LRFN5: variants seen among roughly 807,000 people sequenced by gnomAD.
LRFN5 encodes the protein leucine rich repeat and fibronectin type III domain containing 5, also known as leucine-rich repeat and fibronectin type-III domain-containing protein 5.
In LRFN5, 24 loss-of-function variants were observed where a neutral mutation model predicts 45.6. The ratio of observed to expected loss-of-function variants is 0.53; its 90% CI spans 0.38 to 0.74. The LOEUF (loss-of-function observed/expected upper bound fraction) is 0.74, where lower values mean the gene tolerates loss of function less well. LRFN5 is among the 30% of genes least tolerant of loss of function. The pLI, the probability that LRFN5 is intolerant of heterozygous loss-of-function variation, is 0.00. For synonymous variants in LRFN5, 340 were observed against 313.8 expected, an observed-to-expected ratio of 1.08 and a Z score of -0.88; for missense variants, 776 against 861.5, an observed-to-expected ratio of 0.90 and a Z score of 1.24.
chr14:41,855,099 T>C (rs1251654608), intron 2 of LRFN5, among the ~76,000 whole-genome samples: 1 of 152,160 alleles, frequency 6.6e-6, no homozygotes, highest in Admixed American at 6.5e-5. Flanking sequence ...ACTTGTAGAA[T>C]GAGTGGGATT....
intron 1 of LRFN5, among the ~76,000 whole-genome samples, chr14:41,655,082 A>G (rs1880314118): frequency 6.6e-6 from 1 of 152,036 alleles, no homozygotes; most frequent in African/African-American, 2.4e-5. Context: ...CGTTTGTTCA[A>G]CATGTTTATG....
intron 2 of LRFN5, among the ~76,000 whole-genome samples, chr14:41,867,097 A>T (rs1444173962): frequency 6.6e-6 from 1 of 152,138 alleles, no homozygotes; most frequent in Non-Finnish European, 1.5e-5. Context: ...CTTTAAGACC[A>T]GCCTCCTTAA....
At chr14:41,634,947 T>C (rs888333445) in intron 1 of LRFN5, among the ~76,000 whole-genome samples, 1 of 152,096 alleles carries the variant, frequency 6.6e-6, no homozygotes, top group Non-Finnish European at 1.5e-5. Flanking sequence ...AATTATGTAA[T>C]GAAACATAAT....
intron 2 of LRFN5, among the ~76,000 whole-genome samples, chr14:41,821,900 T>G (rs930636958): frequency 2.0e-5 from 3 of 152,068 alleles, no homozygotes; most frequent in Non-Finnish European, 2.9e-5. Flanking sequence ...AGGTTGGATG[T>G]TTCCAGGAAT....
chr14:41,717,887 A>G (rs557388820), intron 1 of LRFN5, among the ~76,000 whole-genome samples: 2 of 152,308 alleles, frequency 1.3e-5, no homozygotes, highest in African/African-American at 2.4e-5. Flanking sequence ...AAAAGTTACT[A>G]GACAGGTTTT....
At chr14:41,654,897 A>G (rs1880305278) in intron 1 of LRFN5, among the ~76,000 whole-genome samples, 1 of 152,088 alleles carries the variant, frequency 6.6e-6, no homozygotes, top group South Asian at 2.1e-4. Flanking sequence ...TAGTATAGTT[A>G]GTGGTTAGGT....
Position 41,808,952 on chromosome 14 carries a change from T to A in LRFN5, c.-21+41923T>A, listed in dbSNP as rs567126820. 7.2e-5 allele frequency among the ~76,000 whole-genome samples: 11 copies of A among 152,218 alleles called. No individual in the cohort carries two copies. In the East Asian group the frequency reaches 1.9e-3, roughly 27 times the overall value. On this transcript the variant is annotated intron_variant, in intron 2 of 5. Coordinates refer to ENST00000298119, the MANE Select transcript of LRFN5 (RefSeq NM_152447.5). ...ACTTTACTTGATCAGTTATTCATTC[T>A]AAAACACAAAGTCCTCTATTCATCT...
chr14:41,715,104 G>A (rs1227034868), intron 1 of LRFN5, among the ~76,000 whole-genome samples: 3 of 152,068 alleles, frequency 2.0e-5, no homozygotes, highest in Non-Finnish European at 4.4e-5. Flanking sequence ...TGAATTAAAG[G>A]AATTTGTATA....
At chr14:41,690,163 G>A (rs1882312555) in intron 1 of LRFN5, among the ~76,000 whole-genome samples, 2 of 151,926 alleles carry the variant, frequency 1.3e-5, no homozygotes, top group Admixed American at 1.3e-4. Context: ...TTTTTAAAAA[G>A]TTTGTACTTC....
At chr14:41,783,456 T>G (rs1307315607) in intron 2 of LRFN5, among the ~76,000 whole-genome samples, 1 of 152,278 alleles carries the variant, frequency 6.6e-6, no homozygotes, top group African/African-American at 2.4e-5. Context: ...ACTGATATTT[T>G]GTTCGGCTCT....
In LRFN5 at chr14:41,734,337, TA is replaced by T. The variant is rs1566642903; in HGVS notation, c.-196-32516del. 5.3e-4 allele frequency among the ~76,000 whole-genome samples: 58 copies of T among 109,070 alleles called. 12 individuals carry two copies. In the East Asian group the frequency reaches 0.013, roughly 24 times the overall value. The allele number at this position is 109,070 out of a possible 152,430, so 71.6% of individuals were successfully genotyped here. A position where few individuals can be genotyped will look rare whatever the true frequency, so the allele number is the denominator to read the frequency against. ...GGTTTTATATATATATATATATATA[TA>T]TATATATTTAAATTTGCTGTAACTT... is the stretch of plus-strand genomic sequence containing the variant. On this transcript the variant is annotated intron_variant, in intron 1 of 5. Transcript: ENST00000298119.
intron 1 of LRFN5, among the ~76,000 whole-genome samples, chr14:41,720,156 G>C (rs963203896): frequency 9.2e-5 from 14 of 151,810 alleles, no homozygotes; most frequent in African/African-American, 3.4e-4. Context: ...GTCTATTATT[G>C]CCAACTTAAT....
chr14:41,649,968 AT>A (rs1213861245), intron 1 of LRFN5, among the ~76,000 whole-genome samples: 1 of 152,186 alleles, frequency 6.6e-6, no homozygotes, highest in Non-Finnish European at 1.5e-5. Flanking sequence ...TATTTTTAAC[AT>A]TTGTAGTGCT....
At chr14:41,634,308 T>G (rs1888654138) in intron 1 of LRFN5, among the ~76,000 whole-genome samples, 1 of 152,174 alleles carries the variant, frequency 6.6e-6, no homozygotes, top group Non-Finnish European at 1.5e-5. Context: ...GCCATACTCC[T>G]TTTTGAATAG....
chr14:41,889,033 GTATATATACA>G (rs1299411833), intron 3 of LRFN5, among the ~76,000 whole-genome samples: 1 of 145,414 alleles, frequency 6.9e-6, no homozygotes, highest in African/African-American at 2.6e-5. Flanking sequence ...ATATACACAT[GTATATATACA>G]TGTGTGTATA....
chr14:41,836,522 G>A (rs1888668137), intron 2 of LRFN5, among the ~76,000 whole-genome samples: 1 of 152,106 alleles, frequency 6.6e-6, no homozygotes, highest in South Asian at 2.1e-4. Context: ...GTTTGTATTT[G>A]TTATAGGACG....
intron 1 of LRFN5, among the ~76,000 whole-genome samples, chr14:41,693,417 C>T (rs1241757561): frequency 6.6e-6 from 1 of 152,048 alleles, no homozygotes; most frequent in Non-Finnish European, 1.5e-5. Flanking sequence ...GTATTTTACT[C>T]AACGTGTTTT....
chr14:41,856,675 A>ATTATTTTTTTTTTTTTTTTTTTTTTTTT lies in LRFN5; in HGVS notation c.-20-29929_-20-29928insATTTTTTTTTTTTTTTTTTTTTTTTTTT. Among the ~76,000 whole-genome samples the ATTATTTTTTTTTTTTTTTTTTTTTTTTT allele has an allele frequency of 3.8e-4, 7 of 18,334 alleles. 1 individual carries two copies. Among genetic ancestry groups the ATTATTTTTTTTTTTTTTTTTTTTTTTTT allele is most frequent in the Non-Finnish European group, 6.4e-4 (5 of 7,822 alleles). The allele number at this position is 18,334 out of a possible 152,430, so 12.0% of individuals were successfully genotyped here. ...TTCTTTCCTAATTATTATTATTATT[A>ATTATTTTTTTTTTTTTTTTTTTTTTTTT]TTTTTTTTTTTTTTTTTTTGAGACG... On this transcript the variant is annotated intron_variant, in intron 2 of 5. Coordinates refer to ENST00000298119, the MANE Select transcript of LRFN5 (RefSeq NM_152447.5).
intron 2 of LRFN5, among the ~76,000 whole-genome samples, chr14:41,808,670 G>T (rs982690168): frequency 1.3e-5 from 2 of 151,960 alleles, no homozygotes; most frequent in African/African-American, 4.8e-5. Context: ...TATTAATCCT[G>T]ACTAAAGCAG....
Sources: gnomAD v4.1 joint callset for allele counts (sites outside exome capture counted in the v4.1 genomes callset) on GRCh38, gnomAD v4.1.1 for gene constraint, MANE v1.5 for transcripts, NCBI Gene and HGNC (gene_info 2026-07-23, HGNC 2026-07-21) for gene names.